Variants in AFF4 observed in about 807,000 individuals in gnomAD.
AFF4 encodes the protein ALF transcription elongation factor 4.
In AFF4, 13 loss-of-function variants were observed where a neutral mutation model predicts 124.8. The observed-to-expected ratio is 0.10, with a 90% CI of 0.07 to 0.17. The LOEUF is 0.17. Ranked by LOEUF, AFF4 falls within the 10% of genes least tolerant of loss-of-function variation. AFF4 has a pLI of 1.00. For missense variants in AFF4, 1,092 were observed against 1,403.8 expected (o/e 0.78, Z 3.55); for synonymous variants, 477 against 496.1 (o/e 0.96, Z 0.51).
At chr5:132,956,524 G>C (rs1238580510) in intron 1 of AFF4, among the ~76,000 whole-genome samples, 2 of 150,902 alleles carry the variant, frequency 1.3e-5, no homozygotes, top group East Asian at 2.0e-4. Context: ...CCAGCTACTC[G>C]GGAGGCTGAA....
Position 132,904,401 on chromosome 5 carries a change from ACTC to A in AFF4, c.1051_1053del (p.Glu351del). ...CCAGTGCCAAAATTGGACTGCTGAG[ACTC>A]CTAAGAAAAAGGAACATAAAATTAT... On this transcript the variant is annotated inframe_deletion and splice_region_variant, in exon 6 of 21. Transcript: ENST00000265343. 6.2e-7 allele frequency: 1 copy of A among 1,608,264 alleles called. No individual in the cohort carries two copies. Among genetic ancestry groups the A allele is most frequent in the Non-Finnish European group, 8.5e-7 (1 of 1,177,718 alleles).
At chr5:132,887,454 G>A in intron 17 of AFF4, 67 bp downstream of exon 17, 1 of 1,371,352 alleles carries the variant, frequency 7.3e-7, no homozygotes, top group Non-Finnish European at 1.0e-6. Flanking sequence ...ATTCAGAAGA[G>A]CACACACAGC....
At chr5:132,936,829 T>C (rs1017031012) in intron 2 of AFF4, among the ~76,000 whole-genome samples, 2 of 152,192 alleles carry the variant, frequency 1.3e-5, no homozygotes, top group South Asian at 2.1e-4. Context: ...TATGAAGCTG[T>C]TGATGCTGTG....
chr5:132,887,413 C>T, intron 17 of AFF4, 108 bp downstream of exon 17: 2 of 1,024,644 alleles, frequency 2.0e-6, no homozygotes, highest in South Asian at 1.5e-5. Context: ...AGATTTAAGA[C>T]AGGATTACAG....
chr5:132,944,656 A>T lies in AFF4; in HGVS notation c.-4-7463T>A, dbSNP rs1761653240. Among the ~76,000 whole-genome samples, 4 of 151,780 alleles carry T rather than the reference A, an allele frequency of 2.6e-5. No individual in the cohort carries two copies. The South Asian group carries it at 8.3e-4, about 32-fold the overall frequency. The stretch of plus-strand genomic sequence containing the variant: ...AGTGAGACTCTCTCTCAAAAAATTT[A>T]AAATTGGCTCACGCCCGTAATCCCA... On this transcript the variant is annotated intron_variant, in intron 1 of 20. Coordinates refer to ENST00000265343, the MANE Select transcript of AFF4 (RefSeq NM_014423.4).
chr5:132,901,165 G>A (rs1028411268), intron 7 of AFF4: 1 of 985,144 alleles, frequency 1.0e-6, no homozygotes, highest in South Asian at 4.7e-5. Flanking sequence ...GAATTCTCTC[G>A]GCCTTTATGA....
chr5:132,899,675 G>A (rs1760500399), intron 7 of AFF4, 34 bp from the exon 8 acceptor site: 2 of 1,578,682 alleles, frequency 1.3e-6, no homozygotes, highest in Non-Finnish European at 1.7e-6. Context: ...ATTATTTTTG[G>A]AACAGTTTAC....
At chr5:132,939,511 C>CTA (rs1189212352) in intron 1 of AFF4, among the ~76,000 whole-genome samples, 7 of 152,182 alleles carry the variant, frequency 4.6e-5, no homozygotes, top group African/African-American at 1.7e-4. Context: ...GCCTCTTGGG[C>CTA]TATGGTTCTG....
At chr5:132,949,685 C>CAT (rs1491389693) in intron 1 of AFF4, among the ~76,000 whole-genome samples, 1 of 130,120 alleles carries the variant, frequency 7.7e-6, no homozygotes, top group African/African-American at 3.2e-5. Context: ...CCATGTGTAC[C>CAT]ACACACACAC....
intron 5 of AFF4, among the ~76,000 whole-genome samples, chr5:132,914,323 C>T (rs1760859598): frequency 6.6e-6 from 1 of 152,014 alleles, no homozygotes; most frequent in African/African-American, 2.4e-5. Flanking sequence ...GATGAGCAAG[C>T]CGGGCGCAGC....
chr5:132,945,796 C>G (rs1023307641), intron 1 of AFF4, among the ~76,000 whole-genome samples: 2 of 151,632 alleles, frequency 1.3e-5, no homozygotes, highest in Non-Finnish European at 2.9e-5. Flanking sequence ...CACGGTGGCT[C>G]GCGCCTGTAA....
intron 1 of AFF4, among the ~76,000 whole-genome samples, chr5:132,944,478 T>G (rs867701723): frequency 1.3e-5 from 2 of 151,936 alleles, no homozygotes; most frequent in Middle Eastern, 3.2e-3. Context: ...AAACTCCATC[T>G]CTACAAAAAA....
intron 1 of AFF4, among the ~76,000 whole-genome samples, chr5:132,948,324 T>C (rs1025420092): frequency 2.6e-5 from 4 of 152,198 alleles, no homozygotes; most frequent in Non-Finnish European, 2.9e-5. Flanking sequence ...GAAATTGTAC[T>C]GTTTTTCTCT....
At chr5:132,920,362 T>C (rs867869510) in intron 5 of AFF4, among the ~76,000 whole-genome samples, 31 of 148,828 alleles carry the variant, frequency 2.1e-4, no homozygotes, top group Middle Eastern at 3.7e-3. Context: ...AAACATTTTT[T>C]TTTTTTTTTT....
chr5:132,883,499 A>G lies in AFF4; in HGVS notation c.3205T>C (p.Tyr1069His). Residue 1069 changes from tyrosine (Y) to histidine (H), a missense_variant, in exon 20 of 21, where the codon TAT (tyrosine) becomes CAT (histidine). Tyr to His is a moderately conservative substitution (Grantham distance 83, BLOSUM62 2). Around this residue, in one of 11 missense-constraint regions of AFF4, gnomAD observed 173 missense variants for 294.9 expected, o/e 0.59. Coordinates refer to ENST00000265343, the MANE Select transcript of AFF4 (RefSeq NM_014423.4). Reference protein sequence around the residue: ...PKLSPGNSGNYSSGASSASAS... With the variant: ...PKLSPGNSGNHSSGASSASAS... Reference sequence around the variant, plus strand: ...GAAGCACTACTGGCCCCAGATGAATAATTTCCTGAATTGCCTGGTGACAGC... The same window carrying G: ...GAAGCACTACTGGCCCCAGATGAATGATTTCCTGAATTGCCTGGTGACAGC... 6.2e-7 allele frequency: 1 copy of G among 1,614,006 alleles called. No individual in the cohort carries two copies. The highest frequency in any genetic ancestry group is 8.5e-7 in the Non-Finnish European group (1 of 1,180,010).
intron 5 of AFF4, among the ~76,000 whole-genome samples, chr5:132,913,795 T>C (rs1473420260): frequency 6.6e-6 from 1 of 152,112 alleles, no homozygotes; most frequent in Non-Finnish European, 1.5e-5. Context: ...AAGACAATAA[T>C]CTGGAACATG....
At chr5:132,891,295 A>T (rs898218938) in intron 13 of AFF4, among the ~76,000 whole-genome samples, 5 of 152,172 alleles carry the variant, frequency 3.3e-5, no homozygotes, top group African/African-American at 9.6e-5. Context: ...ATCTCAATTT[A>T]AAAAATTTTA....
intron 20 of AFF4, among the ~76,000 whole-genome samples, chr5:132,881,387 T>A (rs1759974619): frequency 6.6e-6 from 1 of 152,246 alleles, no homozygotes; most frequent in African/African-American, 2.4e-5. Flanking sequence ...TGCAACATTT[T>A]AAACAGAATG....
At chr5:132,911,924 A>G (rs890551543) in intron 5 of AFF4, among the ~76,000 whole-genome samples, 1 of 152,028 alleles carries the variant, frequency 6.6e-6, no homozygotes, top group African/African-American at 2.4e-5. Context: ...GCAAGCTGGC[A>G]GATAGTTGCA....
Sources: allele counts gnomAD v4.1 joint callset (sites outside exome capture counted in the v4.1 genomes callset), GRCh38; gene constraint gnomAD v4.1.1; regional missense constraint gnomAD v4.1.1; transcripts MANE v1.5; gene names NCBI Gene and HGNC (gene_info 2026-07-23, HGNC 2026-07-21).